Variants in CMPK2 observed in about 807,000 individuals in gnomAD.
The protein encoded by CMPK2 is UMP-CMP kinase 2, mitochondrial.
In CMPK2, 32 loss-of-function variants were observed where a neutral mutation model predicts 33.4. That is an observed-to-expected ratio of 0.96 (90% CI 0.72 to 1.29). The LOEUF (loss-of-function observed/expected upper bound fraction) is 1.29. Ranked by LOEUF, CMPK2 falls within the 50% of genes most tolerant of loss-of-function variation. The pLI is 0.00. For synonymous variants in CMPK2, 299 were observed against 275.3 expected (o/e 1.09, Z -0.85); for missense variants, 672 against 616.0 (o/e 1.09, Z -0.96).
At chr2:6,864,947 A>G in intron 1 of CMPK2, 75 bp downstream of exon 1, 1 of 1,348,726 alleles carries the variant, frequency 7.4e-7, no homozygotes, top group Non-Finnish European at 9.6e-7. Context: ...TCTACAGACC[A>G]GCCTCTTGGT....
Position 6,865,598 on chromosome 2 carries a change from G to C in CMPK2, c.99C>G (p.Phe33Leu). 7.2e-7 allele frequency: 1 copy of C among 1,394,214 alleles called. No individual in the cohort carries two copies. Among genetic ancestry groups the C allele is most frequent in the Non-Finnish European group, 9.3e-7 (1 of 1,074,086 alleles). 86.4% of individuals were successfully genotyped at this position (1,394,214 alleles called of 1,614,324 possible). A position where few individuals can be genotyped will look rare whatever the true frequency, so the allele number is the denominator to read the frequency against. Residue 33 changes from phenylalanine (F) to leucine (L), a missense_variant, in exon 1 of 5, where the codon TTC (phenylalanine) becomes TTG (leucine). By Grantham distance (22) the Phe-to-Leu change is conservative. Transcript: ENST00000256722. ...CAGAMAPPRRFVLELPDCTLA... is the reference protein window; with the variant it reads ...CAGAMAPPRRLVLELPDCTLA... ...GGGTGCAGTCGGGAAGCTCCAGGAC[G>C]AAGCGGCGCGGCGGAGCCATGGCCC...
chr2:6,865,472 C>T lies in CMPK2; in HGVS notation c.225G>A (p.Leu75=), dbSNP rs570749419. The change falls in exon 1 of 5, where the codon CTG becomes CTA. Residue 75 remains leucine (L), a synonymous_variant. Transcript: ENST00000256722. ...LLGPPERSYS[L]CVPVTPDAGC... is the part of the protein sequence containing the mutation. ...CGGCGTCCGGGGTCACGGGCACGCACAGCGAGTAGCTGCGCTCCGGGGGCC... is the reference window on the plus strand; with the variant it reads ...CGGCGTCCGGGGTCACGGGCACGCATAGCGAGTAGCTGCGCTCCGGGGGCC... 7 of 1,275,378 alleles carry T rather than the reference C, an allele frequency of 5.5e-6. No individual in the cohort carries two copies. The South Asian group carries it at 1.9e-4, about 35-fold the overall frequency. The allele number at this position is 1,275,378 out of a possible 1,614,324, so 79.0% of individuals were successfully genotyped here. A position where few individuals can be genotyped will look rare whatever the true frequency, so the allele number is the denominator to read the frequency against.
Position 6,848,689 on chromosome 2 carries a change from T to G in CMPK2, c.*1161A>C, listed in dbSNP as rs1662423508. 1 of 984,808 alleles carries G rather than the reference T, an allele frequency of 1.0e-6. No individual in the cohort carries two copies. The highest frequency in any genetic ancestry group is 1.2e-6 in the Non-Finnish European group (1 of 829,080). The allele number at this position is 984,808 out of a possible 1,614,324, so 61.0% of individuals were successfully genotyped here. ...AGAAATGGTAGATAGGATAAAATAA[T>G]TTACAGATTTATCTGCCTTTGAACT... On this transcript the variant is annotated 3_prime_UTR_variant, in exon 5 of 5. Coordinates refer to ENST00000256722, the MANE Select transcript of CMPK2 (RefSeq NM_207315.4).
At position 6,865,678 on chromosome 2, in the gene CMPK2, G is replaced by T; in HGVS notation, c.19C>A (p.Leu7Ile). ...GGCCCCGACAGTGGCCCGCGCAGGA[G>T]CCGGCGGGCGAAGGCCATGGGCGCC... is the stretch of plus-strand genomic sequence containing the variant. MAFARR[L>I]LRGPLSGPLL... is the part of the protein sequence containing the mutation. Residue 7 changes from leucine to isoleucine, a missense_variant, in exon 1 of 5, where the codon CTC (leucine) becomes ATC (isoleucine). Physicochemically the swap from Leu to Ile is conservative, Grantham distance 5 (BLOSUM62 2). Transcript: ENST00000256722. 1 of 1,302,218 alleles carries T rather than the reference G, an allele frequency of 7.7e-7. No individual in the cohort carries two copies. Among genetic ancestry groups the T allele is most frequent in the Non-Finnish European group, 9.7e-7 (1 of 1,032,804 alleles). 80.7% of individuals were successfully genotyped at this position (1,302,218 alleles called of 1,614,324 possible). A position where few individuals can be genotyped will look rare whatever the true frequency, so the allele number is the denominator to read the frequency against.
rs777709920 is a variant in CMPK2, at chr2:6,863,553, C to T, written c.701G>A (p.Arg234Gln). 2.4e-5 allele frequency: 39 copies of T among 1,613,954 alleles called. No homozygotes were observed. In the African/African-American group the frequency reaches 3.9e-4, roughly 16 times the overall value. Residue 234 changes from arginine to glutamine, a missense_variant, in exon 2 of 5, where the codon CGG (arginine) becomes CAG (glutamine). Physicochemically the swap from Arg to Gln is conservative, Grantham distance 43. Coordinates refer to ENST00000256722, the MANE Select transcript of CMPK2 (RefSeq NM_207315.4). Reference protein sequence around the residue: ...EECTSFIPEARAVLDLVDQCP... With the variant: ...EECTSFIPEAQAVLDLVDQCP... ...CTGGTCGACCAGGTCAAGCACTGCC[C>T]GGGCTTCAGGAATAAAGGAGGTACA...
intron 3 of CMPK2, chr2:6,840,736 A>T: frequency 4.3e-6 from 3 of 697,856 alleles, no homozygotes; most frequent in Non-Finnish European, 7.8e-6. Context: ...CCTTGGTAGA[A>T]CAGAGGTGGC....
chr2:6,850,102 G>C lies in CMPK2; in HGVS notation c.1227-129C>G, dbSNP rs575571005. On this transcript the variant is annotated intron_variant, in intron 4 of 4. Transcript: ENST00000256722. ...CATGTCATTTATCTCACTGTAACTA[G>C]CTTTGCCCACAGAAGACGTTCATGC... 229 of 647,946 alleles carry C rather than the reference G, an allele frequency of 3.5e-4. 3 individuals carry two copies. In the African/African-American group the frequency reaches 3.9e-3, roughly 11 times the overall value. The allele number at this position is 647,946 out of a possible 1,614,324, so 40.1% of individuals were successfully genotyped here.
intron 1 of CMPK2, chr2:6,864,205 G>A (rs1037823815): frequency 1.7e-4 from 3 of 17,328 alleles, no homozygotes; most frequent in Non-Finnish European, 1.9e-3. Flanking sequence ...GTGAACTGGG[G>A]TGGGGGGGTG....
intron 2 of CMPK2, among the ~76,000 whole-genome samples, chr2:6,862,862 C>G (rs1268411156): frequency 1.3e-5 from 2 of 152,234 alleles, no homozygotes; most frequent in African/African-American, 4.8e-5. Flanking sequence ...TGCTAGTTCT[C>G]CAACATCAAC....
rs1317836738 is a variant in CMPK2, at chr2:6,865,892, C to G, written c.-196G>C. 7.1e-7 allele frequency: 1 copy of G among 1,409,682 alleles called. No homozygotes were observed. Among genetic ancestry groups the G allele is most frequent in the Non-Finnish European group, 9.2e-7 (1 of 1,083,426 alleles). The allele number at this position is 1,409,682 out of a possible 1,614,324, so 87.3% of individuals were successfully genotyped here. A position where few individuals can be genotyped will look rare whatever the true frequency, so the allele number is the denominator to read the frequency against. On this transcript the variant is annotated 5_prime_UTR_variant, in exon 1 of 5. Coordinates refer to ENST00000256722, the MANE Select transcript of CMPK2 (RefSeq NM_207315.4). The stretch of plus-strand genomic sequence containing the variant: ...CTGGGGCGCCCTTCCGGCCTCTCCT[C>G]CTCGCCGCGAGATGTGCGCGATAAA...
chr2:6,843,927 A>C (rs1662292824), downstream of CMPK2, among the ~76,000 whole-genome samples: 3 of 152,180 alleles, frequency 2.0e-5, no homozygotes, highest in Non-Finnish European at 4.4e-5. Flanking sequence ...CCTGGATAGT[A>C]ATGGCAGTTC....
rs1432390893 is a variant in CMPK2 at position 6,848,702 on chromosome 2, C to T, written c.*1148G>A. ...AGGATAAAATAATTTACAGATTTAT[C>T]TGCCTTTGAACTGGAAGGAATTTTA... On this transcript the variant is annotated 3_prime_UTR_variant, in exon 5 of 5. Coordinates refer to ENST00000256722, the MANE Select transcript of CMPK2 (RefSeq NM_207315.4). The T allele has an allele frequency of 1.0e-6, 1 of 985,298 alleles. No homozygotes were observed. Among genetic ancestry groups the T allele is most frequent in the Non-Finnish European group, 1.2e-6 (1 of 829,554 alleles). 61.0% of individuals were successfully genotyped at this position (985,298 alleles called of 1,614,324 possible).
Position 6,865,668 on chromosome 2 carries a change from C to T in CMPK2, c.29G>A (p.Gly10Glu). 7.6e-7 allele frequency: 1 copy of T among 1,310,446 alleles called. No individual in the cohort carries two copies. Among genetic ancestry groups the T allele is most frequent in the Non-Finnish European group, 9.6e-7 (1 of 1,037,738 alleles). The allele number at this position is 1,310,446 out of a possible 1,614,324, so 81.2% of individuals were successfully genotyped here. The change falls in exon 1 of 5, where the codon GGG becomes GAG. Residue 10 changes from glycine (G) to glutamate (E), a missense_variant. Physicochemically the swap from Gly to Glu is moderately conservative, Grantham distance 98 (BLOSUM62 -2). Transcript: ENST00000256722. The part of the protein sequence containing the change: MAFARRLLR[G>E]PLSGPLLGRR... ...CCCGAGCAGCGGCCCCGACAGTGGC[C>T]CGCGCAGGAGCCGGCGGGCGAAGGC...
chr2:6,854,428 C>T (rs1662622923), intron 3 of CMPK2, among the ~76,000 whole-genome samples: 1 of 152,140 alleles, frequency 6.6e-6, no homozygotes, highest in African/African-American at 2.4e-5. Flanking sequence ...AATCTTTAAA[C>T]ATGAATAAAA....
In CMPK2 at chr2:6,855,371, G is replaced by A. The variant is rs117112359; in HGVS notation, c.993-3688C>T. On this transcript the variant is annotated intron_variant, in intron 3 of 4. Transcript: ENST00000256722. ...TCTCTCTCTCTCTCCTGTTGCCATT[G>A]TTTCCTCTTCAATTTCCACCATGAT... is the stretch of plus-strand genomic sequence containing the variant. Among the ~76,000 whole-genome samples, 270 of 150,098 alleles carry A rather than the reference G, an allele frequency of 1.8e-3. 4 individuals are homozygous for A. In the East Asian group the frequency reaches 0.019, roughly 10 times the overall value.
chr2:6,840,648 A>G (rs1229687487), exon 4 of CMPK2: 4 of 702,194 alleles, frequency 5.7e-6, no homozygotes, highest in African/African-American at 1.7e-5. Flanking sequence ...GGTGGAGAGA[A>G]GGATGGTATA....
upstream of CMPK2, chr2:6,866,372 T>TCTCACCTGTGCACTCA (rs1454539491): frequency 9.9e-6 from 9 of 908,364 alleles, no homozygotes; most frequent in African/African-American, 1.4e-4. Context: ...CTGTATCTTA[T>TCTCACCTGTGCACTCA]CTCACCTGTG....
intron 3 of CMPK2, among the ~76,000 whole-genome samples, chr2:6,856,062 G>A (rs1452830218): frequency 1.3e-5 from 2 of 152,100 alleles, no homozygotes. Context: ...TGTGGGGAGG[G>A]GAGGAGACTC....
Position 6,865,617 on chromosome 2 carries a change from A to T in CMPK2, c.80T>A (p.Met27Lys). 7.2e-7 allele frequency: 1 copy of T among 1,394,246 alleles called. No individual in the cohort carries two copies. The highest frequency in any genetic ancestry group is 9.3e-7 in the Non-Finnish European group (1 of 1,074,194). 86.4% of individuals were successfully genotyped at this position (1,394,246 alleles called of 1,614,324 possible). A position where few individuals can be genotyped will look rare whatever the true frequency, so the allele number is the denominator to read the frequency against. Reference sequence around the variant, plus strand: ...CAGGACGAAGCGGCGCGGCGGAGCCATGGCCCCAGCGCAGACCCCGCGCCG... The same window carrying T: ...CAGGACGAAGCGGCGCGGCGGAGCCTTGGCCCCAGCGCAGACCCCGCGCCG... ...LGRRGVCAGA[M>K]APPRRFVLEL... Residue 27 changes from methionine (M) to lysine (K), a missense_variant, in exon 1 of 5, where the codon ATG (methionine) becomes AAG (lysine). Coordinates refer to ENST00000256722, the MANE Select transcript of CMPK2 (RefSeq NM_207315.4).
Sources: gnomAD v4.1 joint callset for allele counts (sites outside exome capture counted in the v4.1 genomes callset) on GRCh38, gnomAD v4.1.1 for gene constraint, MANE v1.5 for transcripts, NCBI Gene and HGNC (gene_info 2026-07-23, HGNC 2026-07-21) for gene names.